The following PCOLCE variants were observed in gnomAD, a reference collection of about 807,000 sequenced individuals.
The protein encoded by PCOLCE is procollagen C-endopeptidase enhancer, also known as procollagen C-endopeptidase enhancer 1.
PCOLCE carries 33 observed loss-of-function variants against 47.2 expected under a neutral mutation model. The ratio of observed to expected loss-of-function variants is 0.70; its 90% CI spans 0.53 to 0.93. The LOEUF is 0.93. Ranked by LOEUF, PCOLCE falls within the 40% of genes least tolerant of loss-of-function variation. The pLI is 0.00. For missense variants in PCOLCE, 584 were observed against 585.3 expected (o/e 1.00, Z 0.02); for synonymous variants, 254 against 252.5 (o/e 1.01, Z -0.06).
intron 1 of PCOLCE, chr7:100,603,177 G>T: frequency 5.1e-6 from 2 of 392,932 alleles, no homozygotes; most frequent in Non-Finnish European, 9.0e-6. Context: ...CTGTTGGGGT[G>T]GGGGTGGGGA....
Position 100,605,872 on chromosome 7 carries a change from G to C in PCOLCE, c.725+60G>C. On this transcript the variant is annotated intron_variant, in intron 5 of 8. Transcript: ENST00000223061. The surrounding 1 kb of genome is among the most constrained non-coding windows in gnomAD (Gnocchi z 6.1). Reference sequence around the variant, plus strand: ...GTCGGCGGACCGCACGCACGCGGCTGTTTGGAGGGGCGGGGTTCAGCTAAA... The same window carrying C: ...GTCGGCGGACCGCACGCACGCGGCTCTTTGGAGGGGCGGGGTTCAGCTAAA... 1 of 1,514,890 alleles carries C rather than the reference G, an allele frequency of 6.6e-7. No individual in the cohort carries two copies. The highest frequency in any genetic ancestry group is 1.4e-5 in the African/African-American group (1 of 72,460). 93.8% of individuals were successfully genotyped at this position (1,514,890 alleles called of 1,614,324 possible). A position where few individuals can be genotyped will look rare whatever the true frequency, so the allele number is the denominator to read the frequency against.
rs751663944 is a variant in PCOLCE at position 100,604,382 on chromosome 7, C to G, written c.463+165C>G. The G allele has an allele frequency of 3.2e-6, 2 of 629,984 alleles. No homozygotes were observed. Among genetic ancestry groups the G allele is most frequent in the East Asian group, 5.5e-5 (2 of 36,474 alleles). The allele number at this position is 629,984 out of a possible 1,614,324, so 39.0% of individuals were successfully genotyped here. A position where few individuals can be genotyped will look rare whatever the true frequency, so the allele number is the denominator to read the frequency against. On this transcript the variant is annotated intron_variant, in intron 3 of 8. Coordinates refer to ENST00000223061, the MANE Select transcript of PCOLCE (RefSeq NM_002593.4). This position sits in a 1 kb window ranked among gnomAD's most constrained non-coding sequence, Gnocchi z 6.4. ...CTAACCGCCCCTTCAGTCCCTCCTC[C>G]CCGTCTTCTCTCCCCTCCTCCCGCA...
In PCOLCE at chr7:100,604,191, A is replaced by G; in HGVS notation, c.437A>G (p.Tyr146Cys). The change falls in exon 3 of 9, where the codon TAC becomes TGC. Residue 146 changes from tyrosine (Y) to cysteine (C), a missense_variant. Tyr to Cys is a radical substitution (Grantham distance 194, BLOSUM62 -2). Transcript: ENST00000223061. The surrounding 1 kb of genome is among the most constrained non-coding windows in gnomAD (Gnocchi z 6.4). ...GGAGGACGAGGCTTCCTGCTCTGGT[A>G]CAGCGGGCGGGCCACCTCGGGCACT... ...GTGGRGFLLW[Y>C]SGRATSGTEH... is the part of the protein sequence containing the mutation. The G allele has an allele frequency of 6.2e-7, 1 of 1,612,624 alleles. No homozygotes were observed. The highest frequency in any genetic ancestry group is 8.5e-7 in the Non-Finnish European group (1 of 1,179,894).
In PCOLCE at chr7:100,604,249, C is replaced by G. The variant is rs775544814; in HGVS notation, c.463+32C>G. ...ACTCCCTCACCTCCGCCTTCCCCCC[C>G]TCCAGGCCCCGCCCCGGCCGCAGCC... On this transcript the variant is annotated intron_variant, in intron 3 of 8. Transcript: ENST00000223061. This position sits in a 1 kb window ranked among gnomAD's most constrained non-coding sequence, Gnocchi z 6.4. 1.6e-5 allele frequency: 25 copies of G among 1,579,704 alleles called. No homozygotes were observed. Among genetic ancestry groups the G allele is most frequent in the Middle Eastern group, 2.3e-4 (1 of 4,398 alleles).
Position 100,602,543 on chromosome 7 carries a change from C to CT in PCOLCE, c.88dup (p.Tyr30LeufsTer22). The CT allele has an allele frequency of 6.2e-7, 1 of 1,601,272 alleles. No homozygotes were observed. The highest frequency in any genetic ancestry group is 1.7e-5 in the Admixed American group (1 of 59,992). On this transcript the variant is annotated frameshift_variant, in exon 1 of 9. Transcript: ENST00000223061. LOFTEE classifies it high-confidence loss of function. ...CTTTTGCCCAGGGCCAGACCCCCAA[C>CT]TACACCAGGTAGGTCTCTTGGCATC...
In PCOLCE at chr7:100,605,377, G is replaced by T. The variant is rs759451258; in HGVS notation, c.588+162G>T. On this transcript the variant is annotated intron_variant, in intron 4 of 8. Coordinates refer to ENST00000223061, the MANE Select transcript of PCOLCE (RefSeq NM_002593.4). The surrounding 1 kb of genome is among the most constrained non-coding windows in gnomAD (Gnocchi z 6.1). ...CCCCTGCATGCACGCAAACAAAAAT[G>T]TAAAAATTACAACTGAGACAAGTCT... The T allele has an allele frequency of 4.0e-6, 3 of 744,396 alleles. No homozygotes were observed. Among genetic ancestry groups the T allele is most frequent in the Non-Finnish European group, 6.5e-6 (3 of 462,788 alleles). 46.1% of individuals were successfully genotyped at this position (744,396 alleles called of 1,614,324 possible).
Position 100,605,557 on chromosome 7 carries a change from G to T in PCOLCE, c.589-119G>T. ...TGCTGTGGTGTGAACGCCTTCAGGA[G>T]GGGGGCCCAGAGGACGCGGGAGGTG... On this transcript the variant is annotated intron_variant, in intron 4 of 8. Transcript: ENST00000223061. The surrounding 1 kb of genome is among the most constrained non-coding windows in gnomAD (Gnocchi z 6.1). 1 of 1,265,616 alleles carries T rather than the reference G, an allele frequency of 7.9e-7. No homozygotes were observed. 78.4% of individuals were successfully genotyped at this position (1,265,616 alleles called of 1,614,324 possible).
chr7:100,602,530 G>A lies in PCOLCE; in HGVS notation c.74G>A (p.Gly25Asp), dbSNP rs1802628567. 1.2e-6 allele frequency: 2 copies of A among 1,610,438 alleles called. No individual in the cohort carries two copies. The highest frequency in any genetic ancestry group is 1.7e-6 in the Non-Finnish European group (2 of 1,177,412). The change falls in exon 1 of 9, where the codon GGC becomes GAC. Residue 25 changes from glycine (G) to aspartate (D), a missense_variant. Physicochemically the swap from Gly to Asp is moderately conservative, Grantham distance 94 (BLOSUM62 -1). Transcript: ENST00000223061. ...TGCGCCCTGCTGCCTTTTGCCCAGG[G>A]CCAGACCCCCAACTACACCAGGTAG... Reference protein sequence around the residue: ...TACALLPFAQGQTPNYTRPVF... With the variant: ...TACALLPFAQDQTPNYTRPVF...
chr7:100,605,865 C>T lies in PCOLCE; in HGVS notation c.725+53C>T, dbSNP rs1433635315. 1.3e-6 allele frequency: 2 copies of T among 1,531,018 alleles called. No homozygotes were observed. The highest frequency in any genetic ancestry group is 1.8e-6 in the Non-Finnish European group (2 of 1,132,932). 94.8% of individuals were successfully genotyped at this position (1,531,018 alleles called of 1,614,324 possible). A position where few individuals can be genotyped will look rare whatever the true frequency, so the allele number is the denominator to read the frequency against. ...GGAGAGAGTCGGCGGACCGCACGCACGCGGCTGTTTGGAGGGGCGGGGTTC... is the reference window on the plus strand; with the variant it reads ...GGAGAGAGTCGGCGGACCGCACGCATGCGGCTGTTTGGAGGGGCGGGGTTC... On this transcript the variant is annotated intron_variant, in intron 5 of 8. Coordinates refer to ENST00000223061, the MANE Select transcript of PCOLCE (RefSeq NM_002593.4). This position sits in a 1 kb window ranked among gnomAD's most constrained non-coding sequence, Gnocchi z 6.1.
At position 100,603,476 on chromosome 7, in the gene PCOLCE, G is replaced by C. The variant is rs576732053; in HGVS notation, c.142G>C (p.Val48Leu). ...GGATGTGAAGGGGGAATCAGGTTAC[G>C]TGGCAAGTGAGGGGTTCCCCAACCT... ...GGDVKGESGY[V>L]ASEGFPNLYP... The change falls in exon 2 of 9, where the codon GTG becomes CTG. Residue 48 changes from valine to leucine, a missense_variant. Transcript: ENST00000223061. The C allele has an allele frequency of 2.6e-5, 41 of 1,606,452 alleles. No homozygotes were observed. The South Asian group carries it at 3.8e-4, about 15-fold the overall frequency.
At position 100,605,404 on chromosome 7, in the gene PCOLCE, A is replaced by G; in HGVS notation, c.588+189A>G. 1.5e-6 allele frequency: 1 copy of G among 677,760 alleles called. No homozygotes were observed. The highest frequency in any genetic ancestry group is 2.5e-6 in the Non-Finnish European group (1 of 405,874). 42.0% of individuals were successfully genotyped at this position (677,760 alleles called of 1,614,324 possible). On this transcript the variant is annotated intron_variant, in intron 4 of 8. Transcript: ENST00000223061. The surrounding 1 kb of genome is among the most constrained non-coding windows in gnomAD (Gnocchi z 6.1). ...AAAAATTACAACTGAGACAAGTCTC[A>G]GGAGAGCGAGGTACAGGGTCCTGGT...
At position 100,608,092 on chromosome 7, in the gene PCOLCE, TC is replaced by T; in HGVS notation, c.1342del (p.Gln448ArgfsTer11). On this transcript the variant is annotated frameshift_variant, in exon 9 of 9. Coordinates refer to ENST00000223061, the MANE Select transcript of PCOLCE (RefSeq NM_002593.4). LOFTEE classifies it high-confidence loss of function. Reference protein sequence around the residue: ...CPSQPVRAAASQD With the variant: ...CPSQPVRAAAXQD ...CTCTCAACCTGTGCGGGCTGCTGCG[TC>T]CCAGGACTGAGACGCAGGCCAGCCC... 1 of 1,613,634 alleles carries T rather than the reference TC, an allele frequency of 6.2e-7. No homozygotes were observed. The highest frequency in any genetic ancestry group is 8.5e-7 in the Non-Finnish European group (1 of 1,179,976).
chr7:100,603,486 A>C lies in PCOLCE; in HGVS notation c.152A>C (p.Glu51Ala). 5.6e-6 allele frequency: 9 copies of C among 1,606,424 alleles called. No individual in the cohort carries two copies. The highest frequency in any genetic ancestry group is 7.6e-6 in the Non-Finnish European group (9 of 1,176,476). Residue 51 changes from glutamate to alanine, a missense_variant, in exon 2 of 9, where the codon GAG becomes GCG. Coordinates refer to ENST00000223061, the MANE Select transcript of PCOLCE (RefSeq NM_002593.4). ...VKGESGYVAS[E>A]GFPNLYPPNK... ...GGGGAATCAGGTTACGTGGCAAGTG[A>C]GGGGTTCCCCAACCTCTACCCCCCT...
chr7:100,607,090 C>CAAAAAAAAAAAAAAA (rs559618495), intron 6 of PCOLCE, among the ~76,000 whole-genome samples: 6 of 105,230 alleles, frequency 5.7e-5, no homozygotes, highest in Admixed American at 2.0e-4. Context: ...GATTCTGTCT[C>CAAAAAAAAAAAAAAA]AAAAAAAAAA....
chr7:100,604,915 C>G lies in PCOLCE; in HGVS notation c.464-176C>G, dbSNP rs1009586860. 2.3e-5 allele frequency: 12 copies of G among 532,532 alleles called. No homozygotes were observed. The highest frequency in any genetic ancestry group is 4.0e-5 in the Non-Finnish European group (12 of 298,356). The allele number at this position is 532,532 out of a possible 1,614,324, so 33.0% of individuals were successfully genotyped here. Reference sequence around the variant, plus strand: ...CGGCCCCAGACTTCCCCGAGCCGCGCTCCTCCCGGCCGCTCTCTGTTAACC... The same window carrying G: ...CGGCCCCAGACTTCCCCGAGCCGCGGTCCTCCCGGCCGCTCTCTGTTAACC... On this transcript the variant is annotated intron_variant, in intron 3 of 8. Coordinates refer to ENST00000223061, the MANE Select transcript of PCOLCE (RefSeq NM_002593.4). This position sits in a 1 kb window ranked among gnomAD's most constrained non-coding sequence, Gnocchi z 6.4.
Position 100,605,684 on chromosome 7 carries a change from G to A in PCOLCE, c.597G>A (p.Ala199=). The A allele has an allele frequency of 1.9e-6, 3 of 1,581,804 alleles. No individual in the cohort carries two copies. The highest frequency in any genetic ancestry group is 1.7e-6 in the Non-Finnish European group (2 of 1,164,298). Reference sequence around the variant, plus strand: ...CCTCCGCCCGCCGCCAGGTCATCGCGCTGACCTTCGAGAAGTTTGACCTGG... The same window carrying A: ...CCTCCGCCCGCCGCCAGGTCATCGCACTGACCTTCGAGAAGTTTGACCTGG... ...HIIAPPDQVI[A]LTFEKFDLEP... Residue 199 remains alanine (A), a synonymous_variant, in exon 5 of 9, where the codon GCG becomes GCA. Coordinates refer to ENST00000223061, the MANE Select transcript of PCOLCE (RefSeq NM_002593.4). This position sits in a 1 kb window ranked among gnomAD's most constrained non-coding sequence, Gnocchi z 6.1.
In PCOLCE at chr7:100,604,073, C is replaced by A. The variant is rs143607884; in HGVS notation, c.319C>A (p.Arg107=). 206 of 1,609,098 alleles carry A rather than the reference C, an allele frequency of 1.3e-4. No homozygotes were observed. The African/African-American group carries it at 2.2e-3, about 17-fold the overall frequency. ...CGCTGGGTCTGGGACTTCCGGCCAG[C>A]GGCTCGGACGCTTTTGTGGGACCTT... ...VFAGSGTSGQ[R]LGRFCGTFRP... is the part of the protein sequence containing the mutation. The change falls in exon 3 of 9, where the codon CGG becomes AGG. Residue 107 remains arginine, a synonymous_variant. Coordinates refer to ENST00000223061, the MANE Select transcript of PCOLCE (RefSeq NM_002593.4). The surrounding 1 kb of genome is among the most constrained non-coding windows in gnomAD (Gnocchi z 6.4).
In PCOLCE at chr7:100,604,138, C is replaced by CAT. The variant is rs773921870; in HGVS notation, c.384_385insAT (p.Leu129IlefsTer2). 1 of 1,613,098 alleles carries CAT rather than the reference C, an allele frequency of 6.2e-7. No individual in the cohort carries two copies. The highest frequency in any genetic ancestry group is 8.5e-7 in the Non-Finnish European group (1 of 1,179,980). On this transcript the variant is annotated frameshift_variant, in exon 3 of 9. Coordinates refer to ENST00000223061, the MANE Select transcript of PCOLCE (RefSeq NM_002593.4). LOFTEE classifies it high-confidence loss of function. The surrounding 1 kb of genome is among the most constrained non-coding windows in gnomAD (Gnocchi z 6.4). ...TAGTCGCCCCCGGCAACCAGGTGAC[C>CAT]CTGAGGATGACGACGGATGAGGGCA...
chr7:100,605,589 G>T lies in PCOLCE; in HGVS notation c.589-87G>T. On this transcript the variant is annotated intron_variant, in intron 4 of 8. Coordinates refer to ENST00000223061, the MANE Select transcript of PCOLCE (RefSeq NM_002593.4). The surrounding 1 kb of genome is among the most constrained non-coding windows in gnomAD (Gnocchi z 6.1). ...CCAGAGGACGCGGGAGGTGGGAGTGGGAGCTGCTGCAGGCACCCAGTAGGA... is the reference window on the plus strand; with the variant it reads ...CCAGAGGACGCGGGAGGTGGGAGTGTGAGCTGCTGCAGGCACCCAGTAGGA... The T allele has an allele frequency of 6.8e-7, 1 of 1,475,716 alleles. No homozygotes were observed. Among genetic ancestry groups the T allele is most frequent in the Admixed American group, 2.1e-5 (1 of 47,032 alleles). 91.4% of individuals were successfully genotyped at this position (1,475,716 alleles called of 1,614,324 possible).
Sources: gnomAD v4.1 joint callset for allele counts (sites outside exome capture counted in the v4.1 genomes callset) on GRCh38, gnomAD v4.1.1 for gene constraint, Gnocchi (gnomAD v3.1) non-coding constraint, MANE v1.5 for transcripts, NCBI Gene and HGNC (gene_info 2026-07-23, HGNC 2026-07-21) for gene names.